Variants in ROBO2 observed in about 807,000 individuals in gnomAD.
ROBO2 encodes roundabout homolog 2.
ROBO2 carries 53 observed loss-of-function variants against 160.8 expected under a neutral mutation model. The ratio of observed to expected loss-of-function variants is 0.33; its 90% confidence interval spans 0.26 to 0.41. ROBO2 has a LOEUF of 0.41. ROBO2 is among the 10% of genes least tolerant of loss of function. The probability of loss-of-function intolerance (pLI) is 1.00; values close to 1 mark genes in which losing one functional copy is unlikely to be tolerated. For synonymous variants in ROBO2, 664 were observed against 611.7 expected, an observed-to-expected ratio of 1.09 and a Z score of -1.26; for missense variants, 1,577 against 1,722.4, an observed-to-expected ratio of 0.92 and a Z score of 1.49.
intron 2 of ROBO2, among the ~76,000 whole-genome samples, chr3:76,855,399 TC>T (rs1159664364): frequency 6.6e-6 from 1 of 152,194 alleles, no homozygotes; most frequent in African/African-American, 2.4e-5. Flanking sequence ...TTGATGTCTG[TC>T]CTCCATAAGC....
chr3:77,020,227 T>C (rs1371069001), intron 2 of ROBO2, among the ~76,000 whole-genome samples: 1 of 152,152 alleles, frequency 6.6e-6, no homozygotes, highest in Non-Finnish European at 1.5e-5. Context: ...GATTTTACAG[T>C]TAAATGTAAA....
At chr3:77,207,118 A>G (rs2151066227) in intron 2 of ROBO2, among the ~76,000 whole-genome samples, 1 of 152,346 alleles carries the variant, frequency 6.6e-6, no homozygotes, top group South Asian at 2.1e-4. Flanking sequence ...TTTATTTGGC[A>G]ACGCAAACTA....
intron 6 of ROBO2, among the ~76,000 whole-genome samples, chr3:77,526,453 G>A (rs903169456): frequency 1.3e-5 from 2 of 151,408 alleles, no homozygotes; most frequent in Non-Finnish European, 3.0e-5. Context: ...TTTAATGTCA[G>A]ATTTCATGAA....
At chr3:77,583,256 G>A (rs929425082) in intron 16 of ROBO2, among the ~76,000 whole-genome samples, 2 of 151,820 alleles carry the variant, frequency 1.3e-5, no homozygotes, top group African/African-American at 2.4e-5. Context: ...CAATGTTTGG[G>A]TTAGTCTTGG....
At chr3:77,552,334 A>G (rs2092949849) in intron 8 of ROBO2, among the ~76,000 whole-genome samples, 1 of 152,010 alleles carries the variant, frequency 6.6e-6, no homozygotes, top group Non-Finnish European at 1.5e-5. Context: ...TAGAAGATTG[A>G]CTCTCAAATG....
At chr3:76,085,089 A>AC (rs1300221695) in intron 2 of ROBO2, among the ~76,000 whole-genome samples, 7 of 146,510 alleles carry the variant, frequency 4.8e-5, no homozygotes, top group African/African-American at 7.7e-5. Flanking sequence ...TGTAACACAA[A>AC]CCCCCCAGTT....
At chr3:77,285,940 T>C (rs1011329954) in intron 2 of ROBO2, among the ~76,000 whole-genome samples, 1 of 152,144 alleles carries the variant, frequency 6.6e-6, no homozygotes, top group Non-Finnish European at 1.5e-5. Flanking sequence ...CAATGCCCTA[T>C]ATAAAACCAA....
chr3:77,602,519 G>A (rs1305057397), intron 20 of ROBO2, 28 bp downstream of exon 21: 14 of 1,611,812 alleles, frequency 8.7e-6, no homozygotes, highest in Non-Finnish European at 1.2e-5. Context: ...GTCCTGAGGA[G>A]GTATTTTCAT....
chr3:75,996,642 T>C (rs2065734142), intron 2 of ROBO2, among the ~76,000 whole-genome samples: 1 of 152,218 alleles, frequency 6.6e-6, no homozygotes, highest in South Asian at 2.1e-4. Flanking sequence ...TACTTGATTA[T>C]AACTTTATTC....
At chr3:76,410,890 G>T (rs780944272) in intron 2 of ROBO2, among the ~76,000 whole-genome samples, 8 of 152,170 alleles carry the variant, frequency 5.3e-5, no homozygotes, top group Non-Finnish European at 1.0e-4. Context: ...AATTGAATTA[G>T]TAAGAAGTAG....
intron 2 of ROBO2, among the ~76,000 whole-genome samples, chr3:77,011,439 C>T (rs1184371923): frequency 6.6e-6 from 1 of 152,046 alleles, no homozygotes; most frequent in Middle Eastern, 3.2e-3. Context: ...AATCCATCTC[C>T]AAACCTTTCA....
intron 2 of ROBO2, among the ~76,000 whole-genome samples, chr3:76,748,821 T>C (rs1050351332): frequency 1.3e-5 from 2 of 151,940 alleles, no homozygotes; most frequent in African/African-American, 4.8e-5. Flanking sequence ...GACCCAGCTA[T>C]TCAAATTTTA....
At position 77,200,264 on chromosome 3, in the gene ROBO2, A is replaced by ATT. The variant is rs1389920672; in HGVS notation, c.388+101927_388+101928dup. Among the ~76,000 whole-genome samples the ATT allele has an allele frequency of 8.7e-3, 566 of 65,236 alleles. 42 individuals are homozygous for ATT. Among genetic ancestry groups the ATT allele is most frequent in the Non-Finnish European group, 0.012 (376 of 32,470 alleles). 42.8% of individuals were successfully genotyped at this position (65,236 alleles called of 152,430 possible). A position where few individuals can be genotyped will look rare whatever the true frequency, so the allele number is the denominator to read the frequency against. The stretch of plus-strand genomic sequence containing the variant: ...TGTGTATGTATATCCTAACTAACAT[A>ATT]TTTTATATATATATATATATATATA... On this transcript the variant is annotated intron_variant, in intron 2 of 25. Transcript: ENST00000461745.
intron 2 of ROBO2, among the ~76,000 whole-genome samples, chr3:77,173,980 C>T (rs1192629523): frequency 6.6e-6 from 1 of 152,050 alleles, no homozygotes; most frequent in Non-Finnish European, 1.5e-5. Context: ...CCTGGACTCT[C>T]CACATGTGTG....
intron 4 of ROBO2, among the ~76,000 whole-genome samples, chr3:77,489,209 T>C (rs2085762647): frequency 6.6e-6 from 1 of 152,248 alleles, no homozygotes; most frequent in Admixed American, 6.5e-5. Flanking sequence ...GTCATGTATG[T>C]GCAGGCGACT....
At chr3:76,776,308 G>A (rs1358492465) in intron 2 of ROBO2, among the ~76,000 whole-genome samples, 1 of 150,874 alleles carries the variant, frequency 6.6e-6, no homozygotes. Flanking sequence ...TTCAATGGCA[G>A]TAAAAACATA....
intron 2 of ROBO2, among the ~76,000 whole-genome samples, chr3:76,215,934 G>T (rs2107357409): frequency 6.6e-6 from 1 of 152,290 alleles, no homozygotes; most frequent in South Asian, 2.1e-4. Context: ...CCCACAAAGG[G>T]AAGCCCAGCA....
At chr3:77,356,333 G>A (rs1020246490) in intron 2 of ROBO2, among the ~76,000 whole-genome samples, 2 of 143,840 alleles carry the variant, frequency 1.4e-5, no homozygotes, top group African/African-American at 3.0e-5. Flanking sequence ...GTGCATGAGA[G>A]AGAGAGAGGG....
At position 76,680,626 on chromosome 3, in the gene ROBO2, T is replaced by C. The variant is rs372357048; in HGVS notation, c.110-417388T>C. 3.9e-5 allele frequency among the ~76,000 whole-genome samples: 6 copies of C among 152,198 alleles called. No individual in the cohort carries two copies. The East Asian group carries it at 1.2e-3, about 29-fold the overall frequency. On this transcript the variant is annotated intron_variant, in intron 2 of 26. Coordinates refer to the ROBO2 transcript ENST00000487694. ...TCCCACATAAAATAGTCTCAATATT[T>C]TGTGTGATATAGATTTTTTTCTATT...
Sources: allele counts gnomAD v4.1 joint callset (sites outside exome capture counted in the v4.1 genomes callset), GRCh38; gene constraint gnomAD v4.1.1; transcripts MANE v1.5; gene names NCBI Gene and HGNC (gene_info 2026-07-23, HGNC 2026-07-21).